SPOCK1: variants seen among roughly 807,000 people sequenced by gnomAD.
SPOCK1 encodes SPARC (osteonectin), cwcv and kazal like domains proteoglycan 1.
SPOCK1 carries 23 observed loss-of-function variants against 55.3 expected under a neutral mutation model. The observed-to-expected ratio is 0.42, with a 90% CI of 0.30 to 0.59. The LOEUF is 0.59. Ranked by LOEUF, SPOCK1 falls within the 20% of genes least tolerant of loss-of-function variation. SPOCK1 has a pLI of 0.22. For synonymous variants in SPOCK1, 226 were observed against 221.0 expected (o/e 1.02, Z -0.20); for missense variants, 499 against 552.5 (o/e 0.90, Z 0.97).
chr5:136,998,979 C>T (rs533911483), intron 6 of SPOCK1, among the ~76,000 whole-genome samples: 5 of 152,292 alleles, frequency 3.3e-5, no homozygotes, highest in African/African-American at 4.8e-5. Context: ...AAATAAGGCA[C>T]GTTCAGTCTC....
At chr5:137,132,188 A>AAAAC (rs1281280330) in intron 4 of SPOCK1, among the ~76,000 whole-genome samples, 4 of 147,954 alleles carry the variant, frequency 2.7e-5, no homozygotes, top group Non-Finnish European at 6.0e-5. Context: ...AAAAAAAAAA[A>AAAAC]AAAAAAAATC....
intron 6 of SPOCK1, among the ~76,000 whole-genome samples, chr5:137,042,888 A>G (rs1018322368): frequency 1.3e-5 from 2 of 152,146 alleles, no homozygotes; most frequent in African/African-American, 4.8e-5. Context: ...CATATGGATT[A>G]GTATACACAT....
intron 3 of SPOCK1, among the ~76,000 whole-genome samples, chr5:137,204,379 C>A (rs1755484214): frequency 6.6e-6 from 1 of 152,028 alleles, no homozygotes; most frequent in Non-Finnish European, 1.5e-5. Flanking sequence ...ACTGTCTCAG[C>A]AGAAATGACT....
intron 3 of SPOCK1, among the ~76,000 whole-genome samples, chr5:137,232,045 T>G (rs1756073942): frequency 6.6e-6 from 1 of 152,226 alleles, no homozygotes; most frequent in South Asian, 2.1e-4. Flanking sequence ...CATTTCAGAT[T>G]GGCTTGTTTT....
intron 5 of SPOCK1, among the ~76,000 whole-genome samples, chr5:137,086,061 T>G (rs574290436): frequency 2.5e-4 from 38 of 152,302 alleles, no homozygotes; most frequent in Non-Finnish European, 3.1e-4. Context: ...TCATAGAGTA[T>G]TTAGCGCAGG....
intron 2 of SPOCK1, among the ~76,000 whole-genome samples, chr5:137,496,841 C>A (rs1754309717): frequency 6.6e-6 from 1 of 152,036 alleles, no homozygotes; most frequent in Non-Finnish European, 1.5e-5. Context: ...CTGCAAAAGA[C>A]CCTAGTAGTT....
chr5:137,142,110 A>T (rs1161763928), intron 3 of SPOCK1, among the ~76,000 whole-genome samples: 1 of 152,188 alleles, frequency 6.6e-6, no homozygotes. Context: ...CAGTCAGGGG[A>T]GGTGATGTCT....
chr5:137,065,101 G>A (rs766504927), intron 6 of SPOCK1, among the ~76,000 whole-genome samples: 23 of 151,818 alleles, frequency 1.5e-4, no homozygotes, highest in Non-Finnish European at 2.8e-4. Flanking sequence ...GGTGGTGCAC[G>A]CCTCTACTCC....
chr5:137,267,193 G>A (rs1257188796), intron 2 of SPOCK1, 138 bp from the exon 3 acceptor site: 15 of 653,070 alleles, frequency 2.3e-5, no homozygotes, highest in Admixed American at 5.6e-5. Flanking sequence ...CCCAAAACAG[G>A]CATTAATGTG....
At chr5:137,001,928 A>T (rs1461648656) in intron 6 of SPOCK1, among the ~76,000 whole-genome samples, 1 of 152,196 alleles carries the variant, frequency 6.6e-6, no homozygotes. Context: ...CATCTAACAG[A>T]GATCTTTGAG....
intron 3 of SPOCK1, among the ~76,000 whole-genome samples, chr5:137,142,865 A>C (rs1305204420): frequency 6.6e-6 from 1 of 152,140 alleles, no homozygotes; most frequent in Non-Finnish European, 1.5e-5. Flanking sequence ...GCCCACGCCA[A>C]CCCTGGGGCT....
At chr5:137,160,541 A>T (rs1237931943) in intron 3 of SPOCK1, among the ~76,000 whole-genome samples, 1 of 43,352 alleles carries the variant, frequency 2.3e-5, no homozygotes, top group Non-Finnish European at 4.0e-5. Flanking sequence ...AAAATATATA[A>T]TATATATAAT....
At chr5:137,015,761 G>A (rs1403214335) in intron 6 of SPOCK1, among the ~76,000 whole-genome samples, 1 of 152,212 alleles carries the variant, frequency 6.6e-6, no homozygotes, top group Non-Finnish European at 1.5e-5. Context: ...TGACAGATTT[G>A]TTCTGAGACA....
At chr5:137,306,387 T>C (rs1426860432) in intron 2 of SPOCK1, among the ~76,000 whole-genome samples, 1 of 152,184 alleles carries the variant, frequency 6.6e-6, no homozygotes, top group Admixed American at 6.5e-5. Flanking sequence ...TGTTCCTCTA[T>C]CTCTGGGTGG....
rs140414167 is a variant in SPOCK1 at position 137,389,300 on chromosome 5, C to A, written c.186+109073G>T. On this transcript the variant is annotated intron_variant, in intron 2 of 10. Coordinates refer to ENST00000394945, the MANE Select transcript of SPOCK1 (RefSeq NM_004598.4). ...CCCTCAGGAGCTGATATGCCCTGTC[C>A]TCTGTTGAGGACTGCCTGCCTTTGT... Among the ~76,000 whole-genome samples, 172 of 152,330 alleles carry A rather than the reference C, an allele frequency of 1.1e-3. 2 individuals are homozygous for A. The Middle Eastern group carries it at 0.034, about 30-fold the overall frequency.
Position 137,208,089 on chromosome 5 carries a change from C to A in SPOCK1, c.232+58921G>T, listed in dbSNP as rs551219188. Among the ~76,000 whole-genome samples the A allele has an allele frequency of 5.9e-5, 9 of 152,240 alleles. No homozygotes were observed. In the East Asian group the frequency reaches 9.7e-4, roughly 16 times the overall value. Reference sequence around the variant, plus strand: ...ACTATGAGCACTCCCAAAATAATCCCAATTTAAATGTCTTTTTCTCTTTGC... The same window carrying A: ...ACTATGAGCACTCCCAAAATAATCCAAATTTAAATGTCTTTTTCTCTTTGC... On this transcript the variant is annotated intron_variant, in intron 3 of 10. Coordinates refer to ENST00000394945, the MANE Select transcript of SPOCK1 (RefSeq NM_004598.4).
intron 2 of SPOCK1, among the ~76,000 whole-genome samples, chr5:137,275,108 C>T (rs942470825): frequency 6.6e-6 from 1 of 152,162 alleles, no homozygotes; most frequent in Non-Finnish European, 1.5e-5. Flanking sequence ...ATGGAGGAAC[C>T]CTGAAAGGGT....
intron 2 of SPOCK1, among the ~76,000 whole-genome samples, chr5:137,465,845 T>C (rs1336741808): frequency 6.6e-6 from 1 of 152,126 alleles, no homozygotes; most frequent in East Asian, 1.9e-4. Context: ...ACAAAGAACA[T>C]ATATTCCAGA....
chr5:137,387,057 T>C (rs756242954), intron 2 of SPOCK1, among the ~76,000 whole-genome samples: 1 of 152,216 alleles, frequency 6.6e-6, no homozygotes, highest in Non-Finnish European at 1.5e-5. Context: ...TATGAAAAGA[T>C]GCTTCACATC....
Sources: allele counts gnomAD v4.1 joint callset (sites outside exome capture counted in the v4.1 genomes callset), GRCh38; gene constraint gnomAD v4.1.1; transcripts MANE v1.5; gene names NCBI Gene and HGNC (gene_info 2026-07-23, HGNC 2026-07-21).